The following PCDHGA6 variants were observed in gnomAD, a reference collection of about 807,000 sequenced individuals.
PCDHGA6 encodes protocadherin gamma subfamily A, 6.
PCDHGA6 carries 41 observed loss-of-function variants against 60.6 expected under a neutral mutation model. The observed-to-expected ratio is 0.68, with a 90% CI of 0.53 to 0.88. PCDHGA6 has a LOEUF of 0.88. Among genes scored for constraint, PCDHGA6 ranks in the 40% least tolerant of loss-of-function variants. The pLI is 0.00. For synonymous variants in PCDHGA6, 594 were observed against 524.4 expected (o/e 1.13, Z -1.81); for missense variants, 1,312 against 1,203.0 (o/e 1.09, Z -1.34).
Position 141,484,782 on chromosome 5 carries a change from C to A in PCDHGA6, c.2425-10025C>A, listed in dbSNP as rs572593816. 2.0e-5 allele frequency among the ~76,000 whole-genome samples: 3 copies of A among 152,066 alleles called. No homozygotes were observed. In the South Asian group the frequency reaches 6.3e-4, roughly 32 times the overall value. On this transcript the variant is annotated intron_variant, in intron 1 of 3. Transcript: ENST00000517434. Reference sequence around the variant, plus strand: ...TATATATATGTTGTCTGCCTCCCCACAGAGATAACAACCCGTGGAAAAACA... The same window carrying A: ...TATATATATGTTGTCTGCCTCCCCAAAGAGATAACAACCCGTGGAAAAACA...
At chr5:141,422,762 C>T in intron 1 of PCDHGA6, 1 of 1,613,392 alleles carries the variant, frequency 6.2e-7, no homozygotes. Flanking sequence ...AACTCCAACA[C>T]TGGTGTTCTC....
rs1299573831 is a variant in PCDHGA6 at position 141,500,662 on chromosome 5, T to A, written c.2484-4731T>A. 5.3e-5 allele frequency among the ~76,000 whole-genome samples: 8 copies of A among 152,352 alleles called. No homozygotes were observed. The East Asian group carries it at 1.5e-3, about 29-fold the overall frequency. ...TTTTTAAAAATAGCAACTGAGGCCA[T>A]ACTGTCCAACAGAATTATAGCTTTT... On this transcript the variant is annotated intron_variant, in intron 2 of 3. Coordinates refer to ENST00000517434, the MANE Select transcript of PCDHGA6 (RefSeq NM_018919.3).
rs987773604 is a variant in PCDHGA6 at position 141,409,588 on chromosome 5, C to G, written c.2424+33081C>G. 5.6e-6 allele frequency: 9 copies of G among 1,613,760 alleles called. 1 individual carries two copies. The highest frequency in any genetic ancestry group is 7.6e-6 in the Non-Finnish European group (9 of 1,179,892). On this transcript the variant is annotated intron_variant, in intron 1 of 3. Transcript: ENST00000517434. ...AGACGTCCTACGTGGTCCACGTGGC[C>G]GAGAACAACCCGCCAGGAGCCTCCA...
chr5:141,408,155 C>T (rs1355335396), intron 1 of PCDHGA6: 2 of 1,511,456 alleles, frequency 1.3e-6, no homozygotes, highest in Non-Finnish European at 1.8e-6. Flanking sequence ...GTAGAGTGCA[C>T]TTTCTCCAAC....
At chr5:141,384,730 G>A (rs752038561) in intron 1 of PCDHGA6, 2 of 1,614,092 alleles carry the variant, frequency 1.2e-6, no homozygotes, top group East Asian at 2.2e-5. Context: ...CCTGCTTAAG[G>A]CCAGCGAGCC....
At chr5:141,408,838 G>A in intron 1 of PCDHGA6, 1 of 1,613,588 alleles carries the variant, frequency 6.2e-7, no homozygotes, top group African/African-American at 1.3e-5. Flanking sequence ...GCTTGATATT[G>A]ACTGCCTTGG....
chr5:141,490,454 CG>C lies in PCDHGA6; in HGVS notation c.2425-4352del. ...ATTAAGCCTTCTGAGAACCACTACT[CG>C]CTGCTAACCAGCCAGCCTTTGGACC... On this transcript the variant is annotated intron_variant, in intron 1 of 3. Coordinates refer to ENST00000517434, the MANE Select transcript of PCDHGA6 (RefSeq NM_018919.3). This position sits in a 1 kb window ranked among gnomAD's most constrained non-coding sequence, Gnocchi z 5.4. The C allele has an allele frequency of 1.2e-6, 2 of 1,614,176 alleles. No individual in the cohort carries two copies. Among genetic ancestry groups the C allele is most frequent in the Non-Finnish European group, 1.7e-6 (2 of 1,180,020 alleles).
chr5:141,390,130 C>T lies in PCDHGA6; in HGVS notation c.2424+13623C>T. On this transcript the variant is annotated intron_variant, in intron 1 of 3. Coordinates refer to ENST00000517434, the MANE Select transcript of PCDHGA6 (RefSeq NM_018919.3). Reference sequence around the variant, plus strand: ...TACAGCGAGGGGACTTTGCCTTATTCCTACAATCTATGTGTTGCACATACA... The same window carrying T: ...TACAGCGAGGGGACTTTGCCTTATTTCTACAATCTATGTGTTGCACATACA... 6.2e-7 allele frequency: 1 copy of T among 1,614,034 alleles called. No individual in the cohort carries two copies. Among genetic ancestry groups the T allele is most frequent in the Non-Finnish European group, 8.5e-7 (1 of 1,179,898 alleles).
At chr5:141,421,934 T>C (rs1478005202) in intron 1 of PCDHGA6, 1 of 1,613,548 alleles carries the variant, frequency 6.2e-7, no homozygotes, top group Admixed American at 1.7e-5. Context: ...GTCCTCGATG[T>C]AAATGATCAC....
chr5:141,462,202 C>T (rs188546035), intron 1 of PCDHGA6, among the ~76,000 whole-genome samples: 1,522 of 152,002 alleles, frequency 0.01, 33 homozygotes, highest in African/African-American at 0.034. Flanking sequence ...TCAGGTGATC[C>T]GCCTGCCTCG....
At chr5:141,415,401 G>A (rs1408496357) in intron 1 of PCDHGA6, 9 of 1,614,088 alleles carry the variant, frequency 5.6e-6, no homozygotes, top group East Asian at 2.2e-5. Context: ...TGTCCGGCTC[G>A]CACTTTGTGG....
chr5:141,448,706 C>G (rs1344013319), intron 1 of PCDHGA6, among the ~76,000 whole-genome samples: 1 of 151,732 alleles, frequency 6.6e-6, no homozygotes, highest in African/African-American at 2.4e-5. Context: ...TTTGGGAGGC[C>G]GAGGCGGGAG....
intron 1 of PCDHGA6, chr5:141,419,426 G>C: frequency 6.2e-7 from 1 of 1,613,312 alleles, no homozygotes; most frequent in Non-Finnish European, 8.5e-7. Flanking sequence ...CTTCGACCAC[G>C]AGCAGCTGCG....
Position 141,486,695 on chromosome 5 carries a change from A to T in PCDHGA6, c.2425-8112A>T. On this transcript the variant is annotated intron_variant, in intron 1 of 3. Coordinates refer to ENST00000517434, the MANE Select transcript of PCDHGA6 (RefSeq NM_018919.3). The surrounding 1 kb of genome is among the most constrained non-coding windows in gnomAD (Gnocchi z 5.0). ...TCGAGATGTATCAGCTTCCTCTTTC[A>T]TCTCTCTGAACCCCCAGACAGGAGC... The T allele has an allele frequency of 6.2e-7, 1 of 1,613,912 alleles. No homozygotes were observed. The highest frequency in any genetic ancestry group is 8.5e-7 in the Non-Finnish European group (1 of 1,179,980).
Position 141,510,946 on chromosome 5 carries a change from GA to G in PCDHGA6, c.2574del (p.Ala859LeufsTer17). The G allele has an allele frequency of 6.2e-7, 1 of 1,614,128 alleles. No homozygotes were observed. ...LQAMILASAS[E>X]AADGSSTLGG... ...CACCTGATCTTCCTCTGTCTCTGCA[GA>G]AGCTGCTGATGGGAGCTCCACCCTG... On this transcript the variant is annotated frameshift_variant and splice_region_variant, in exon 4 of 4. Coordinates refer to ENST00000517434, the MANE Select transcript of PCDHGA6 (RefSeq NM_018919.3). LOFTEE classifies it high-confidence loss of function.
chr5:141,384,658 C>T lies in PCDHGA6; in HGVS notation c.2424+8151C>T, dbSNP rs755303317. 9.3e-6 allele frequency: 15 copies of T among 1,614,104 alleles called. No homozygotes were observed. The African/African-American group carries it at 1.7e-4, about 19-fold the overall frequency. Reference sequence around the variant, plus strand: ...ACCCCGCTCCGCAGAGCCCGGCTACCTGGTGACCAAGGTGGTGGCGGTGGA... The same window carrying T: ...ACCCCGCTCCGCAGAGCCCGGCTACTTGGTGACCAAGGTGGTGGCGGTGGA... On this transcript the variant is annotated intron_variant, in intron 1 of 3. Coordinates refer to ENST00000517434, the MANE Select transcript of PCDHGA6 (RefSeq NM_018919.3).
chr5:141,389,590 G>C (rs1409328445), intron 1 of PCDHGA6: 1 of 1,613,014 alleles, frequency 6.2e-7, no homozygotes, highest in Non-Finnish European at 8.5e-7. Context: ...GGTCCCGACG[G>C]CTCTGCGCTC....
chr5:141,438,601 T>C (rs2098005462), intron 1 of PCDHGA6, among the ~76,000 whole-genome samples: 6 of 26,284 alleles, frequency 2.3e-4, no homozygotes, highest in African/African-American at 1.3e-3. Flanking sequence ...CATATATATA[T>C]ATATATATAT....
intron 1 of PCDHGA6, among the ~76,000 whole-genome samples, chr5:141,447,851 C>A (rs961725006): frequency 6.6e-6 from 1 of 151,980 alleles, no homozygotes; most frequent in African/African-American, 2.4e-5. Flanking sequence ...TTTGGGAGGC[C>A]GAGGTGGGTG....
Sources: gnomAD v4.1 joint callset for allele counts (sites outside exome capture counted in the v4.1 genomes callset) on GRCh38, gnomAD v4.1.1 for gene constraint, Gnocchi (gnomAD v3.1) non-coding constraint, MANE v1.5 for transcripts, NCBI Gene and HGNC (gene_info 2026-07-23, HGNC 2026-07-21) for gene names.